Variants in CAPZA2 observed in about 807,000 individuals in gnomAD.
The protein encoded by CAPZA2 is F-actin-capping protein subunit alpha-2.
In CAPZA2, 13 loss-of-function variants were observed where a neutral mutation model predicts 44.0. That is an observed-to-expected ratio of 0.30 (90% CI 0.19 to 0.47). CAPZA2 has a LOEUF of 0.47. Among genes scored for constraint, CAPZA2 ranks in the 20% least tolerant of loss-of-function variants. The pLI is 1.00. For synonymous variants in CAPZA2, 94 were observed against 108.2 expected (o/e 0.87, Z 0.81); for missense variants, 244 against 338.6 (o/e 0.72, Z 2.19).
intron 1 of CAPZA2, among the ~76,000 whole-genome samples, chr7:116,883,320 A>G (rs1350336359): frequency 1.3e-5 from 2 of 152,276 alleles, no homozygotes; most frequent in East Asian, 3.9e-4. Context: ...GCTAGAATAA[A>G]TAATTTTTAA....
At chr7:116,904,096 C>A (rs1797029000) in intron 4 of CAPZA2, 81 bp from the exon 5 acceptor site, 2 of 816,924 alleles carry the variant, frequency 2.4e-6, no homozygotes, top group African/African-American at 1.7e-5. Flanking sequence ...AAGGAAGAAG[C>A]TTAAATGAGT....
In CAPZA2 at chr7:116,890,526, ATATATATATATATATATATATATAT is replaced by A. The variant is rs1562959880; in HGVS notation, c.103+2337_103+2361del. ...TCTCTACTTAAAAAAAAAAAAAAAA[ATATATATATATATATATATATATAT>A]ATATATATATATATATACACATATA... On this transcript the variant is annotated intron_variant, in intron 2 of 9. Coordinates refer to ENST00000361183, the MANE Select transcript of CAPZA2 (RefSeq NM_006136.3). Among the ~76,000 whole-genome samples the A allele has an allele frequency of 6.3e-3, 183 of 28,830 alleles. 22 individuals are homozygous for A. Among genetic ancestry groups the A allele is most frequent in the African/African-American group, 0.02 (173 of 8,752 alleles). The allele number at this position is 28,830 out of a possible 152,430, so 18.9% of individuals were successfully genotyped here. A position where few individuals can be genotyped will look rare whatever the true frequency, so the allele number is the denominator to read the frequency against.
At chr7:116,877,756 T>TAA (rs1585003262) in intron 1 of CAPZA2, among the ~76,000 whole-genome samples, 1 of 152,256 alleles carries the variant, frequency 6.6e-6, no homozygotes, top group East Asian at 1.9e-4. Flanking sequence ...TTATATATCA[T>TAA]GCTAAAGATT....
At chr7:116,915,265 T>C (rs959441220) in intron 8 of CAPZA2, among the ~76,000 whole-genome samples, 1 of 151,604 alleles carries the variant, frequency 6.6e-6, no homozygotes, top group Non-Finnish European at 1.5e-5. Context: ...ATCACACTGC[T>C]GCACTCCAGC....
At chr7:116,879,180 G>A (rs529409038) in intron 1 of CAPZA2, among the ~76,000 whole-genome samples, 2 of 149,626 alleles carry the variant, frequency 1.3e-5, no homozygotes, top group South Asian at 4.3e-4. Flanking sequence ...GCTAATGCAG[G>A]CATACTTCTT....
intron 1 of CAPZA2, among the ~76,000 whole-genome samples, chr7:116,883,069 A>G (rs1051296402): frequency 6.6e-5 from 10 of 152,218 alleles, no homozygotes; most frequent in Non-Finnish European, 7.3e-5. Context: ...CATGTGGAGG[A>G]AGATGGTGGA....
chr7:116,892,642 TA>T (rs797013962), intron 2 of CAPZA2, among the ~76,000 whole-genome samples: 318 of 144,602 alleles, frequency 2.2e-3, no homozygotes, highest in African/African-American at 6.9e-3. Context: ...CTGATGAGCT[TA>T]AAAAAAAAAA....
At chr7:116,874,444 A>G (rs1796594582) in intron 1 of CAPZA2, 1 of 152,272 alleles carries the variant, frequency 6.6e-6, no homozygotes. Context: ...TCTTGATCAT[A>G]CTAGAAAGAA....
intron 1 of CAPZA2, among the ~76,000 whole-genome samples, chr7:116,867,864 G>A (rs577964006): frequency 5.3e-5 from 8 of 152,276 alleles, no homozygotes; most frequent in African/African-American, 1.7e-4. Flanking sequence ...GATTACAGGC[G>A]TGAGCGACCA....
chr7:116,884,235 A>G (rs1796733857), intron 1 of CAPZA2, among the ~76,000 whole-genome samples: 1 of 152,346 alleles, frequency 6.6e-6, no homozygotes, highest in African/African-American at 2.4e-5. Context: ...TTGAAAACAC[A>G]TAAAAAAATT....
chr7:116,886,609 A>C (rs749723740), intron 1 of CAPZA2, among the ~76,000 whole-genome samples: 24 of 152,216 alleles, frequency 1.6e-4, no homozygotes, highest in Admixed American at 6.5e-5. Context: ...TTTGCCAAGG[A>C]TGGTCCCTTC....
rs369428828 is a variant in CAPZA2, at chr7:116,906,308, A to G, written c.472A>G (p.Ile158Val). 8.7e-6 allele frequency: 14 copies of G among 1,612,864 alleles called. No individual in the cohort carries two copies. The African/African-American group carries it at 1.2e-4, about 14-fold the overall frequency. Residue 158 changes from isoleucine (I) to valine (V), a missense_variant, in exon 6 of 10, where the codon ATA becomes GTA. By Grantham distance (29) the Ile-to-Val change is conservative (BLOSUM62 3). Coordinates refer to ENST00000361183, the MANE Select transcript of CAPZA2 (RefSeq NM_006136.3). ...TGGACAGCAAACCATTATTGCATGC[A>G]TAGAAAGCCATCAGTTCCAAGCAAA... ...IDGQQTIIAC[I>V]ESHQFQAKNF...
chr7:116,920,091 A>C lies in CAPZA2; in HGVS notation c.*2224A>C, dbSNP rs544607912. The C allele has an allele frequency of 1.3e-5, 2 of 151,458 alleles. No individual in the cohort carries two copies. Among genetic ancestry groups the C allele is most frequent in the Non-Finnish European group, 2.9e-5 (2 of 67,936 alleles). The allele number at this position is 151,458 out of a possible 1,614,324, so 9.4% of individuals were successfully genotyped here. A position where few individuals can be genotyped will look rare whatever the true frequency, so the allele number is the denominator to read the frequency against. On this transcript the variant is annotated 3_prime_UTR_variant, in exon 10 of 10. Transcript: ENST00000361183. The stretch of plus-strand genomic sequence containing the variant: ...AACCCCGTCTCTACTAAAAACAAAA[A>C]AAAATTAGCCGGGGATGGTGATGCG...
chr7:116,870,203 G>A (rs1796534528), intron 1 of CAPZA2, among the ~76,000 whole-genome samples: 1 of 152,134 alleles, frequency 6.6e-6, no homozygotes, highest in Admixed American at 6.5e-5. Flanking sequence ...AACTAGATTC[G>A]AAGAGGAATT....
At chr7:116,879,609 C>T (rs1276058730) in intron 1 of CAPZA2, among the ~76,000 whole-genome samples, 1 of 152,084 alleles carries the variant, frequency 6.6e-6, no homozygotes, top group Non-Finnish European at 1.5e-5. Context: ...GTGTGCATTC[C>T]TATGAGAATC....
intron 2 of CAPZA2, among the ~76,000 whole-genome samples, chr7:116,892,642 TAAA>T: frequency 6.9e-6 from 1 of 144,724 alleles, no homozygotes; most frequent in Non-Finnish European, 1.5e-5. Flanking sequence ...CTGATGAGCT[TAAA>T]AAAAAAAAAC....
chr7:116,866,447 A>C (rs918000701), intron 1 of CAPZA2, among the ~76,000 whole-genome samples: 1 of 152,240 alleles, frequency 6.6e-6, no homozygotes, highest in Non-Finnish European at 1.5e-5. Flanking sequence ...CTGGGATTAC[A>C]GGCGTGAGCC....
intron 8 of CAPZA2, 104 bp downstream of exon 8, chr7:116,912,244 GT>G: frequency 2.7e-6 from 4 of 1,503,288 alleles, no homozygotes; most frequent in Non-Finnish European, 3.6e-6. Context: ...AGATTACCGT[GT>G]TTTCTGATAG....
intron 4 of CAPZA2, among the ~76,000 whole-genome samples, chr7:116,901,945 G>GA (rs952069745): frequency 7.3e-5 from 11 of 149,666 alleles, no homozygotes; most frequent in Non-Finnish European, 1.3e-4. Context: ...ATATATTTAT[G>GA]AAAAAACCAT....
Sources: allele counts gnomAD v4.1 joint callset (sites outside exome capture counted in the v4.1 genomes callset), GRCh38; gene constraint gnomAD v4.1.1; transcripts MANE v1.5; gene names NCBI Gene and HGNC (gene_info 2026-07-23, HGNC 2026-07-21).